KCNK9: variants seen among roughly 807,000 people sequenced by gnomAD.
KCNK9 encodes the protein potassium channel subfamily K member 9.
KCNK9 carries 1 observed loss-of-function variant against 10.8 expected under a neutral mutation model. That is an observed-to-expected ratio of 0.09 (90% CI 0.03 to 0.44). The LOEUF (loss-of-function observed/expected upper bound fraction) is 0.44, where lower values mean the gene tolerates loss of function less well. Among genes scored for constraint, KCNK9 ranks in the 20% least tolerant of loss-of-function variants. The probability of loss-of-function intolerance (pLI) is 0.97; values close to 1 mark genes in which losing one functional copy is unlikely to be tolerated. For missense variants in KCNK9, 303 were observed against 515.0 expected (o/e 0.59, Z 3.98); for synonymous variants, 231 against 222.7 (o/e 1.04, Z -0.33).
At chr8:139,654,486 T>C (rs1815963591) in intron 1 of KCNK9, among the ~76,000 whole-genome samples, 1 of 152,184 alleles carries the variant, frequency 6.6e-6, no homozygotes, top group African/African-American at 2.4e-5. Context: ...CCAGACCCTC[T>C]GGCTTCCTGG....
intron 1 of KCNK9, among the ~76,000 whole-genome samples, chr8:139,647,920 A>C (rs1012115917): frequency 2.0e-5 from 3 of 152,226 alleles, no homozygotes; most frequent in Admixed American, 6.5e-5. Flanking sequence ...CACATGACCC[A>C]GCAATCCCAT....
At chr8:139,620,162 C>G (rs1586634708) in intron 1 of KCNK9, among the ~76,000 whole-genome samples, 1 of 152,302 alleles carries the variant, frequency 6.6e-6, no homozygotes, top group Non-Finnish European at 1.5e-5. Context: ...GCAGAAGGAA[C>G]AAGAGACTCA....
intron 2 of KCNK9, among the ~76,000 whole-genome samples, chr8:139,606,778 C>T (rs372083717): frequency 3.9e-5 from 6 of 152,096 alleles, no homozygotes; most frequent in Non-Finnish European, 7.4e-5. Context: ...AACTGTAAGC[C>T]GCCTCATCAA....
intron 1 of KCNK9, among the ~76,000 whole-genome samples, chr8:139,623,364 A>G (rs1043812891): frequency 6.6e-6 from 1 of 152,170 alleles, no homozygotes; most frequent in Non-Finnish European, 1.5e-5. Flanking sequence ...CCATTCAGAT[A>G]TCTCCATTGA....
rs561338224 is a variant in KCNK9, at chr8:139,678,143, G to A, written c.283+24567C>T. ...CTTGGCCCTGGAGGTGACTGGACTC[G>A]TGTTCCATACAATCCCTCAGGTTTC... On this transcript the variant is annotated intron_variant, in intron 1 of 1. Coordinates refer to ENST00000520439, the MANE Select transcript of KCNK9 (RefSeq NM_001282534.2). Among the ~76,000 whole-genome samples, 11 of 152,342 alleles carry A rather than the reference G, an allele frequency of 7.2e-5. No individual in the cohort carries two copies. The South Asian group carries it at 1.5e-3, about 20-fold the overall frequency.
intron 1 of KCNK9, among the ~76,000 whole-genome samples, chr8:139,627,016 A>G (rs1282122131): frequency 2.6e-5 from 4 of 152,184 alleles, no homozygotes; most frequent in African/African-American, 9.6e-5. Context: ...TGCAAACACC[A>G]AAAGCAAAGT....
rs1817233038 is a variant in KCNK9, at chr8:139,702,093, C to G, written c.283+617G>C. ...ACGCAAGCACCAGAGAGCAAACTCT[C>G]TCCTCCCAGGGGCCTGGGAAGTCCA... On this transcript the variant is annotated intron_variant, in intron 1 of 1. Transcript: ENST00000520439. The surrounding 1 kb of genome is among the most constrained non-coding windows in gnomAD (Gnocchi z 7.5). Among the ~76,000 whole-genome samples the G allele has an allele frequency of 6.6e-6, 1 of 152,172 alleles. No individual in the cohort carries two copies. The highest frequency in any genetic ancestry group is 1.5e-5 in the Non-Finnish European group (1 of 68,034).
intron 1 of KCNK9, among the ~76,000 whole-genome samples, chr8:139,620,698 C>G (rs971248067): frequency 6.6e-6 from 1 of 152,184 alleles, no homozygotes; most frequent in Non-Finnish European, 1.5e-5. Flanking sequence ...AAGGCCTTCC[C>G]CCCATCCTCT....
At chr8:139,606,138 G>A (rs537158714) in intron 2 of KCNK9, among the ~76,000 whole-genome samples, 115 of 152,244 alleles carry the variant, frequency 7.6e-4, no homozygotes, top group African/African-American at 1.2e-3. Context: ...TTCAAATCCC[G>A]CTCACCAAGG....
intron 1 of KCNK9, among the ~76,000 whole-genome samples, chr8:139,687,385 A>C (rs11778236): frequency 0.44 from 38,263 of 86,816 alleles, 8,857 homozygotes; most frequent in Non-Finnish European, 0.47. Flanking sequence ...CATATATATG[A>C]ATATATATGT....
chr8:139,631,911 A>G (rs954395554), intron 1 of KCNK9, among the ~76,000 whole-genome samples: 5 of 152,322 alleles, frequency 3.3e-5, no homozygotes, highest in Non-Finnish European at 7.4e-5. Flanking sequence ...TTCACCTTGC[A>G]GGGTCTGAGA....
At chr8:139,638,419 C>T (rs754921099) in intron 1 of KCNK9, among the ~76,000 whole-genome samples, 22 of 152,162 alleles carry the variant, frequency 1.4e-4, no homozygotes, top group South Asian at 2.1e-4. Flanking sequence ...ACAGGAGCTA[C>T]GGAAGACTTG....
chr8:139,642,283 G>A (rs1437650643), intron 1 of KCNK9, among the ~76,000 whole-genome samples: 1 of 152,114 alleles, frequency 6.6e-6, no homozygotes, highest in Non-Finnish European at 1.5e-5. Flanking sequence ...CTGAGACTTG[G>A]GAGAGGTGAA....
intron 1 of KCNK9, among the ~76,000 whole-genome samples, chr8:139,701,891 G>A (rs890487768): frequency 2.6e-5 from 4 of 152,162 alleles, no homozygotes; most frequent in Admixed American, 6.5e-5. Context: ...TGGGGCTGGC[G>A]GGCATCCCTG....
At chr8:139,669,950 G>T (rs988341086) in intron 1 of KCNK9, among the ~76,000 whole-genome samples, 1 of 152,186 alleles carries the variant, frequency 6.6e-6, no homozygotes, top group Non-Finnish European at 1.5e-5. Context: ...TAATCTCTTT[G>T]TACATCTCCA....
intron 1 of KCNK9, among the ~76,000 whole-genome samples, chr8:139,683,465 C>G (rs1816731721): frequency 6.6e-6 from 1 of 152,258 alleles, no homozygotes; most frequent in African/African-American, 2.4e-5. Flanking sequence ...CCAAATGAAG[C>G]AGCTGGTGGC....
rs888491383 is a variant in KCNK9 at position 139,693,170 on chromosome 8, C to T, written c.283+9540G>A. On this transcript the variant is annotated intron_variant, in intron 1 of 1. Transcript: ENST00000520439. The surrounding 1 kb of genome is among the most constrained non-coding windows in gnomAD (Gnocchi z 4.1). ...GCCTCTCACCTTCCTGAGTGGGCTGCACCTCACATGTCTGACAGGGCCAGT... is the reference window on the plus strand; with the variant it reads ...GCCTCTCACCTTCCTGAGTGGGCTGTACCTCACATGTCTGACAGGGCCAGT... Among the ~76,000 whole-genome samples, 1 of 152,128 alleles carries T rather than the reference C, an allele frequency of 6.6e-6. No homozygotes were observed. Among genetic ancestry groups the T allele is most frequent in the African/African-American group, 2.4e-5 (1 of 41,442 alleles).
At chr8:139,635,415 C>T (rs913662187) in intron 1 of KCNK9, among the ~76,000 whole-genome samples, 3 of 152,148 alleles carry the variant, frequency 2.0e-5, no homozygotes, top group African/African-American at 4.8e-5. Context: ...GGACCAGGGC[C>T]GGAAGGAGGA....
At chr8:139,675,537 G>A (rs1816529584) in intron 1 of KCNK9, among the ~76,000 whole-genome samples, 1 of 152,174 alleles carries the variant, frequency 6.6e-6, no homozygotes, top group Non-Finnish European at 1.5e-5. Flanking sequence ...TCAGCCATCT[G>A]TAACCGAAAG....
Sources: gnomAD v4.1 joint callset for allele counts (sites outside exome capture counted in the v4.1 genomes callset) on GRCh38, gnomAD v4.1.1 for gene constraint, Gnocchi (gnomAD v3.1) non-coding constraint, MANE v1.5 for transcripts, NCBI Gene and HGNC (gene_info 2026-07-23, HGNC 2026-07-21) for gene names.